SLC9A2: variants seen among roughly 807,000 people sequenced by gnomAD.
SLC9A2 encodes the protein sodium/hydrogen exchanger 2.
A neutral mutation model predicts 71.7 loss-of-function variants in SLC9A2; 42 were observed. That is an observed-to-expected ratio of 0.59 (90% confidence interval 0.46 to 0.76). SLC9A2 has a LOEUF of 0.76. Ranked by LOEUF, SLC9A2 falls within the 30% of genes least tolerant of loss-of-function variation. The probability of loss-of-function intolerance (pLI) is 0.00; values close to 1 mark genes in which losing one functional copy is unlikely to be tolerated. For missense variants in SLC9A2, 829 were observed against 1,017.4 expected, an observed-to-expected ratio of 0.81 and a Z score of 2.52; for synonymous variants, 396 against 392.5, an observed-to-expected ratio of 1.01 and a Z score of -0.10.
intron 3 of SLC9A2, among the ~76,000 whole-genome samples, chr2:102,672,100 C>T (rs1260167409): frequency 2.0e-5 from 3 of 151,922 alleles, no homozygotes; most frequent in Admixed American, 2.0e-4. Context: ...CAAAGCAAGA[C>T]TCCGTCTCAA....
intron 3 of SLC9A2, among the ~76,000 whole-genome samples, chr2:102,682,371 G>T (rs2104538746): frequency 6.6e-6 from 1 of 152,268 alleles, no homozygotes; most frequent in African/African-American, 2.4e-5. Flanking sequence ...AGTTCAGGTT[G>T]GGCAATTCCA....
chr2:102,679,023 C>T (rs544253293), intron 3 of SLC9A2, among the ~76,000 whole-genome samples: 9 of 152,258 alleles, frequency 5.9e-5, no homozygotes, highest in East Asian at 1.9e-4. Flanking sequence ...AAAACAGCCC[C>T]GGACCTTTGC....
chr2:102,621,492 A>G (rs1364017271), intron 1 of SLC9A2, among the ~76,000 whole-genome samples: 2 of 151,994 alleles, frequency 1.3e-5, no homozygotes, highest in Admixed American at 6.6e-5. Flanking sequence ...GGTGCTTTAT[A>G]TTATTTTTAC....
chr2:102,657,101 A>C (rs1419601809), intron 1 of SLC9A2, among the ~76,000 whole-genome samples: 2 of 151,984 alleles, frequency 1.3e-5, no homozygotes, highest in Non-Finnish European at 2.9e-5. Flanking sequence ...GCTATTCGGG[A>C]GGCTGAGGCA....
Position 102,684,121 on chromosome 2 carries a change from T to C in SLC9A2, c.1223-13T>C. The C allele has an allele frequency of 6.2e-7, 1 of 1,611,414 alleles. No individual in the cohort carries two copies. The highest frequency in any genetic ancestry group is 8.5e-7 in the Non-Finnish European group (1 of 1,177,908). On this transcript the variant is annotated splice_polypyrimidine_tract_variant and intron_variant, in intron 4 of 11. Transcript: ENST00000233969. ...ACCCAGTCTGTTTCCTCTTGGGTTT[T>C]CTTTCTTTGCAGGTGTTTTTGTCCT...
At chr2:102,658,508 T>G (rs1335871146) in intron 2 of SLC9A2, among the ~76,000 whole-genome samples, 1 of 151,750 alleles carries the variant, frequency 6.6e-6, no homozygotes, top group Non-Finnish European at 1.5e-5. Context: ...CTAAGTGCCA[T>G]TCTCTATCTG....
chr2:102,682,476 G>C (rs952365056), intron 3 of SLC9A2, among the ~76,000 whole-genome samples: 4 of 152,212 alleles, frequency 2.6e-5, no homozygotes, highest in Non-Finnish European at 4.4e-5. Flanking sequence ...AGCTTCAGGA[G>C]TGTGGACTTG....
At chr2:102,703,482 C>T (rs567123241) in intron 9 of SLC9A2, among the ~76,000 whole-genome samples, 1 of 152,282 alleles carries the variant, frequency 6.6e-6, no homozygotes, top group South Asian at 2.1e-4. Context: ...AAGGCTCCCC[C>T]AACAGCCACC....
At position 102,658,257 on chromosome 2, in the gene SLC9A2, T is replaced by C. The variant is rs191559014; in HGVS notation, c.753+230T>C. 2.0e-3 allele frequency among the ~76,000 whole-genome samples: 309 copies of C among 152,268 alleles called. 6 individuals carry two copies. The highest frequency in any genetic ancestry group is 7.1e-3 in the African/African-American group (294 of 41,550). ...TATTTATTATCATAAAACTGTCTCC[T>C]CATTTTCATTTTGCACGGGGCCCCA... On this transcript the variant is annotated intron_variant, in intron 2 of 11. Transcript: ENST00000233969.
At position 102,694,294 on chromosome 2, in the gene SLC9A2, GA is replaced by G. The variant is rs554321794; in HGVS notation, c.1426-118del. The stretch of plus-strand genomic sequence containing the variant: ...TGTCATTACTTATCAAAGCTTAGGA[GA>G]AGTTACCCTTGAATATTAAAATGTA... On this transcript the variant is annotated intron_variant, in intron 5 of 11. Coordinates refer to ENST00000233969, the MANE Select transcript of SLC9A2 (RefSeq NM_003048.6). 8.3e-3 allele frequency: 2,260 copies of G among 272,070 alleles called. 11 individuals carry two copies. The highest frequency in any genetic ancestry group is 0.013 in the Non-Finnish European group (1,845 of 143,284). 16.9% of individuals were successfully genotyped at this position (272,070 alleles called of 1,614,324 possible).
intron 3 of SLC9A2, among the ~76,000 whole-genome samples, chr2:102,682,986 A>G (rs1222246930): frequency 6.6e-6 from 1 of 152,218 alleles, no homozygotes; most frequent in East Asian, 1.9e-4. Context: ...GTCGACGTCC[A>G]TAGACCTTTA....
chr2:102,690,065 T>C (rs796500255), intron 5 of SLC9A2, among the ~76,000 whole-genome samples: 5 of 152,118 alleles, frequency 3.3e-5, no homozygotes, highest in African/African-American at 9.6e-5. Context: ...ATTGAGGGTA[T>C]AAACATAGAA....
intron 5 of SLC9A2, among the ~76,000 whole-genome samples, chr2:102,686,011 G>C (rs2104541828): frequency 6.6e-6 from 1 of 152,324 alleles, no homozygotes; most frequent in Middle Eastern, 3.4e-3. Flanking sequence ...CAGCCAAGAA[G>C]AACTAAGAAT....
At position 102,652,737 on chromosome 2, in the gene SLC9A2, C is replaced by T. The variant is rs569371011; in HGVS notation, c.290-4827C>T. Among the ~76,000 whole-genome samples the T allele has an allele frequency of 1.3e-4, 20 of 152,290 alleles. No individual in the cohort carries two copies. The East Asian group carries it at 3.5e-3, about 26-fold the overall frequency. ...ACAGTAGGTCATACTTGCAGTAGCTCGTGGACAGCCTTGTAAAAGCCATCC... is the reference window on the plus strand; with the variant it reads ...ACAGTAGGTCATACTTGCAGTAGCTTGTGGACAGCCTTGTAAAAGCCATCC... On this transcript the variant is annotated intron_variant, in intron 1 of 11. Coordinates refer to ENST00000233969, the MANE Select transcript of SLC9A2 (RefSeq NM_003048.6).
At chr2:102,652,725 C>T (rs1676857073) in intron 1 of SLC9A2, among the ~76,000 whole-genome samples, 1 of 152,198 alleles carries the variant, frequency 6.6e-6, no homozygotes, top group African/African-American at 2.4e-5. Flanking sequence ...GTAGGTCATA[C>T]TTGCAGTAGC....
chr2:102,634,701 T>TA (rs994271927), intron 1 of SLC9A2, among the ~76,000 whole-genome samples: 2 of 152,194 alleles, frequency 1.3e-5, no homozygotes, highest in African/African-American at 4.8e-5. Flanking sequence ...TACGTAAGCT[T>TA]AAAAAAATCA....
At chr2:102,703,100 C>T (rs1172651643) in intron 9 of SLC9A2, among the ~76,000 whole-genome samples, 1 of 152,194 alleles carries the variant, frequency 6.6e-6, no homozygotes, top group Non-Finnish European at 1.5e-5. Flanking sequence ...ACGGGCCACA[C>T]AGCTTGTCAG....
intron 1 of SLC9A2, among the ~76,000 whole-genome samples, chr2:102,649,478 T>A (rs1317314038): frequency 1.3e-5 from 2 of 152,128 alleles, no homozygotes; most frequent in Admixed American, 1.3e-4. Flanking sequence ...ACAAATGGAA[T>A]CTAATTAAAC....
chr2:102,648,587 T>C (rs1676771984), intron 1 of SLC9A2, among the ~76,000 whole-genome samples: 1 of 152,124 alleles, frequency 6.6e-6, no homozygotes, highest in African/African-American at 2.4e-5. Context: ...TTGTATATTT[T>C]GAAATCCCCA....
Sources: allele counts gnomAD v4.1 joint callset (sites outside exome capture counted in the v4.1 genomes callset), GRCh38; gene constraint gnomAD v4.1.1; transcripts MANE v1.5; gene names NCBI Gene and HGNC (gene_info 2026-07-23, HGNC 2026-07-21).